The following GRIN2B variants were observed in gnomAD, a reference collection of about 807,000 sequenced individuals.
The protein encoded by GRIN2B is glutamate ionotropic receptor NMDA type subunit 2B.
In GRIN2B, 5 loss-of-function variants were observed where a neutral mutation model predicts 114.5. The observed-to-expected ratio is 0.04, with a 90% confidence interval of 0.02 to 0.09. The LOEUF (loss-of-function observed/expected upper bound fraction) is 0.09. Ranked by LOEUF, GRIN2B falls within the 10% of genes least tolerant of loss-of-function variation. The pLI, the probability that GRIN2B is intolerant of heterozygous loss-of-function variation, is 1.00. For missense variants in GRIN2B, 1,108 were observed against 1,943.5 expected, an observed-to-expected ratio of 0.57 and a Z score of 8.08; for synonymous variants, 787 against 745.1, an observed-to-expected ratio of 1.06 and a Z score of -0.92.
In GRIN2B at chr12:13,616,748, A is replaced by G. The variant is rs976102632; in HGVS notation, c.1126-91T>C. 6 of 1,040,154 alleles carry G rather than the reference A, an allele frequency of 5.8e-6. No individual in the cohort carries two copies. In the African/African-American group the frequency reaches 9.3e-5, roughly 16 times the overall value. The allele number at this position is 1,040,154 out of a possible 1,614,324, so 64.4% of individuals were successfully genotyped here. A position where few individuals can be genotyped will look rare whatever the true frequency, so the allele number is the denominator to read the frequency against. The stretch of plus-strand genomic sequence containing the variant: ...TATTGTCTGAACAATCCCAGGAAGC[A>G]GTTGAACAAAAGCCAACAAGTGCCA... On this transcript the variant is annotated intron_variant, in intron 5 of 13. Coordinates refer to ENST00000609686, the MANE Select transcript of GRIN2B (RefSeq NM_000834.5).
chr12:13,618,760 C>T (rs1215413961), intron 5 of GRIN2B, among the ~76,000 whole-genome samples: 1 of 152,130 alleles, frequency 6.6e-6, no homozygotes, highest in Non-Finnish European at 1.5e-5. Flanking sequence ...ATCCTTAGTT[C>T]AACTTGGAAA....
At chr12:13,774,452 A>G (rs2136649021) in intron 3 of GRIN2B, among the ~76,000 whole-genome samples, 1 of 152,326 alleles carries the variant, frequency 6.6e-6, no homozygotes, top group African/African-American at 2.4e-5. Context: ...GACAGCAACT[A>G]GGAATAATAT....
At chr12:13,704,970 T>C (rs1950346286) in intron 4 of GRIN2B, among the ~76,000 whole-genome samples, 1 of 152,158 alleles carries the variant, frequency 6.6e-6, no homozygotes, top group Non-Finnish European at 1.5e-5. Flanking sequence ...CAGTGGAATA[T>C]CTTCACAACC....
intron 10 of GRIN2B, among the ~76,000 whole-genome samples, chr12:13,605,090 A>AGTTGTTTTTGCCAGGGGCTCTTAAG (rs1565472178): frequency 1.3e-5 from 2 of 151,334 alleles, no homozygotes; most frequent in African/African-American, 4.9e-5. Context: ...TTTTGTCTTA[A>AGTTGTTTTTGCCAGGGGCTCTTAAG]TGATGAACAA....
At chr12:13,700,605 T>C (rs1279133680) in intron 4 of GRIN2B, among the ~76,000 whole-genome samples, 2 of 152,140 alleles carry the variant, frequency 1.3e-5, no homozygotes, top group African/African-American at 4.8e-5. Context: ...GGAAGAGAAT[T>C]GAGTCCTGGT....
At chr12:13,665,703 T>A (rs948490193) in intron 5 of GRIN2B, among the ~76,000 whole-genome samples, 1 of 152,198 alleles carries the variant, frequency 6.6e-6, no homozygotes, top group African/African-American at 2.4e-5. Flanking sequence ...GGATCATATA[T>A]GCTAAATTTG....
At chr12:13,759,667 T>C in intron 3 of GRIN2B, among the ~76,000 whole-genome samples, 1 of 152,188 alleles carries the variant, frequency 6.6e-6, no homozygotes, top group Non-Finnish European at 1.5e-5. Context: ...TTTGATGTTC[T>C]TCATCCAATC....
chr12:13,922,565 A>G (rs1345422960), intron 2 of GRIN2B, among the ~76,000 whole-genome samples: 1 of 152,240 alleles, frequency 6.6e-6, no homozygotes, highest in African/African-American at 2.4e-5. Context: ...AAGGCAAATG[A>G]ATAATTATCA....
intron 3 of GRIN2B, among the ~76,000 whole-genome samples, chr12:13,822,668 C>A (rs1444693113): frequency 6.6e-6 from 1 of 152,028 alleles, no homozygotes; most frequent in Non-Finnish European, 1.5e-5. Context: ...TCCTCCCTGA[C>A]AATATCAGGA....
At chr12:13,813,114 A>G (rs1014406566) in intron 3 of GRIN2B, among the ~76,000 whole-genome samples, 3 of 151,656 alleles carry the variant, frequency 2.0e-5, no homozygotes, top group Non-Finnish European at 4.4e-5. Context: ...TAATTTTTGT[A>G]TTTTTAGTAG....
intron 10 of GRIN2B, among the ~76,000 whole-genome samples, chr12:13,579,076 A>AGACTT (rs1408859282): frequency 6.6e-6 from 1 of 152,208 alleles, no homozygotes; most frequent in Admixed American, 6.5e-5. Context: ...ACTGGGGCTA[A>AGACTT]GACTTAACCA....
At chr12:13,602,316 C>G (rs944725087) in intron 10 of GRIN2B, among the ~76,000 whole-genome samples, 1 of 152,206 alleles carries the variant, frequency 6.6e-6, no homozygotes, top group Non-Finnish European at 1.5e-5. Context: ...AGGTCCAACC[C>G]AGGCCCTCAT....
intron 3 of GRIN2B, among the ~76,000 whole-genome samples, chr12:13,770,875 C>T (rs1863895003): frequency 6.6e-6 from 1 of 152,172 alleles, no homozygotes; most frequent in South Asian, 2.1e-4. Context: ...CCAGGGGCAC[C>T]AGCCTCCAGA....
At chr12:13,830,850 A>G (rs1865132112) in intron 3 of GRIN2B, among the ~76,000 whole-genome samples, 1 of 152,262 alleles carries the variant, frequency 6.6e-6, no homozygotes, top group Non-Finnish European at 1.5e-5. Context: ...CATCGTGGTC[A>G]TCTGCCCTGC....
Position 13,547,981 on chromosome 12 carries a change from A to ATATATATATATTTTTTTTTTTTT in GRIN2B, c.*14801_*14802insAAAAAAAAAAAAATATATATATA. On this transcript the variant is annotated 3_prime_UTR_variant, in exon 14 of 14. Transcript: ENST00000609686. ...TGTGTATATATATATATATATATAT[A>ATATATATATATTTTTTTTTTTTT]TTTTTTTTTTTTTTCTGAAAGCTAC... is the stretch of plus-strand genomic sequence containing the variant. 4 of 68,588 alleles carry ATATATATATATTTTTTTTTTTTT rather than the reference A, an allele frequency of 5.8e-5. No individual in the cohort carries two copies. The highest frequency in any genetic ancestry group is 5.7e-4 in the East Asian group (1 of 1,742). 4.2% of individuals were successfully genotyped at this position (68,588 alleles called of 1,614,324 possible).
chr12:13,721,452 A>AG (rs2136593327), intron 4 of GRIN2B, among the ~76,000 whole-genome samples: 1 of 152,176 alleles, frequency 6.6e-6, no homozygotes, highest in South Asian at 2.1e-4. Context: ...AAAGGAGAGC[A>AG]GATGAGATGA....
chr12:13,648,446 T>G (rs1041133102), intron 5 of GRIN2B, among the ~76,000 whole-genome samples: 2 of 151,988 alleles, frequency 1.3e-5, no homozygotes, highest in Admixed American at 6.6e-5. Flanking sequence ...GGCACTGGCT[T>G]TAACGCAGCC....
At chr12:13,887,846 T>G (rs1222771685) in intron 2 of GRIN2B, among the ~76,000 whole-genome samples, 1 of 152,202 alleles carries the variant, frequency 6.6e-6, no homozygotes, top group Non-Finnish European at 1.5e-5. Flanking sequence ...AGGTATTACA[T>G]TTACATAGTG....
chr12:13,659,214 T>C (rs537475418), intron 5 of GRIN2B, among the ~76,000 whole-genome samples: 14 of 152,296 alleles, frequency 9.2e-5, no homozygotes, highest in African/African-American at 3.1e-4. Context: ...TGCTTCCCCG[T>C]CACTAATTTT....
Sources: allele counts gnomAD v4.1 joint callset (sites outside exome capture counted in the v4.1 genomes callset), GRCh38; gene constraint gnomAD v4.1.1; transcripts MANE v1.5; gene names NCBI Gene and HGNC (gene_info 2026-07-23, HGNC 2026-07-21).